GIGYF2: variants seen among roughly 807,000 people sequenced by gnomAD.
The protein encoded by GIGYF2 is GRB10 interacting GYF protein 2.
GIGYF2 carries 25 observed loss-of-function variants against 208.1 expected under a neutral mutation model. That is an observed-to-expected ratio of 0.12 (90% CI 0.09 to 0.17). GIGYF2 has a LOEUF of 0.17. GIGYF2 is among the 10% of genes least tolerant of loss of function. The pLI, the probability that GIGYF2 is intolerant of heterozygous loss-of-function variation, is 1.00. For missense variants in GIGYF2, 1,302 were observed against 1,579.4 expected, an observed-to-expected ratio of 0.82 and a Z score of 2.98; for synonymous variants, 534 against 543.8, an observed-to-expected ratio of 0.98 and a Z score of 0.25.
intron 8 of GIGYF2, chr2:232,782,818 G>A (rs982085897): frequency 6.6e-6 from 1 of 152,184 alleles, no homozygotes; most frequent in Non-Finnish European, 1.5e-5. Context: ...AGCAGGCAAA[G>A]CTAATATTTG....
chr2:232,731,025 G>T (rs1344872784), intron 2 of GIGYF2: 3 of 151,950 alleles, frequency 2.0e-5, no homozygotes, highest in African/African-American at 7.3e-5. Context: ...GCTCTTAATG[G>T]TTGTACATTG....
rs56363484 is a variant in GIGYF2, at chr2:232,846,433, C to T, written c.3460+547C>T. 5.3e-3 allele frequency among the ~76,000 whole-genome samples: 784 copies of T among 148,422 alleles called. 3 individuals are homozygous for T. Among genetic ancestry groups the T allele is most frequent in the Non-Finnish European group, 7.6e-3 (519 of 68,018 alleles). On this transcript the variant is annotated intron_variant, in intron 26 of 28. Transcript: ENST00000373563. ...TAGCTGTTTACAAACAGAACTGTCT[C>T]CCATCCCTGAATATTTGAAGAGAGA...
At chr2:232,754,886 TAAAA>T (rs1168684161) in intron 5 of GIGYF2, among the ~76,000 whole-genome samples, 1 of 142,988 alleles carries the variant, frequency 7.0e-6, no homozygotes, top group South Asian at 2.2e-4. Context: ...ACCTATAAAG[TAAAA>T]AAAAAAAAAT....
chr2:232,856,692 A>G, intron 28 of GIGYF2, 101 bp from the exon 29 acceptor site: 1 of 823,856 alleles, frequency 1.2e-6, no homozygotes, highest in Non-Finnish European at 2.2e-6. Context: ...ACCCTGTCTC[A>G]CAAACAAACA....
intron 2 of GIGYF2, among the ~76,000 whole-genome samples, chr2:232,712,815 A>G (rs563271667): frequency 5.3e-4 from 80 of 152,336 alleles, no homozygotes; most frequent in Non-Finnish European, 2.9e-4. Context: ...ATTTTTTAAA[A>G]AACGATTTAA....
intron 8 of GIGYF2, chr2:232,768,129 TAAAGAA>T: frequency 6.5e-7 from 1 of 1,541,294 alleles, no homozygotes; most frequent in East Asian, 2.2e-5. Flanking sequence ...TGAGATACAG[TAAAGAA>T]AAAGTAGCTG....
chr2:232,825,990 T>C (rs928308796), intron 21 of GIGYF2, among the ~76,000 whole-genome samples: 1 of 152,140 alleles, frequency 6.6e-6, no homozygotes, highest in African/African-American at 2.4e-5. Flanking sequence ...TTGCTTAGAA[T>C]GATGATTTCC....
At position 232,761,439 on chromosome 2, in the gene GIGYF2, A is replaced by G. The variant is rs777553847; in HGVS notation, c.532+3A>G. On this transcript the variant is annotated splice_donor_region_variant and intron_variant, in intron 8 of 28. Coordinates refer to ENST00000373563, the MANE Select transcript of GIGYF2 (RefSeq NM_001103146.3). ...AAAACCAGGACGAAAAGATGTAGGT[A>G]AGGTTCTTACCTACACACATAAGGA... The G allele has an allele frequency of 1.9e-6, 3 of 1,576,180 alleles. No homozygotes were observed. Among genetic ancestry groups the G allele is most frequent in the South Asian group, 2.2e-5 (2 of 90,266 alleles).
chr2:232,728,146 G>A (rs1336069209), intron 2 of GIGYF2, among the ~76,000 whole-genome samples: 1 of 152,086 alleles, frequency 6.6e-6, no homozygotes, highest in African/African-American at 2.4e-5. Flanking sequence ...CTGGGGGAAG[G>A]GTATGTCATA....
chr2:232,756,729 GCTT>G (rs1698558458), intron 6 of GIGYF2, among the ~76,000 whole-genome samples: 1 of 152,212 alleles, frequency 6.6e-6, no homozygotes, highest in Non-Finnish European at 1.5e-5. Flanking sequence ...TGTGCCAAGA[GCTT>G]CTCCAGCCAG....
At chr2:232,797,489 T>TTGTG (rs67221198) in intron 14 of GIGYF2, among the ~76,000 whole-genome samples, 52,468 of 144,774 alleles carry the variant, frequency 0.36, 9,558 homozygotes, top group Admixed American at 0.44. Flanking sequence ...AGAGCAGGGC[T>TTGTG]TGTGTGTGTG....
At chr2:232,728,276 C>T (rs1271791236) in intron 2 of GIGYF2, among the ~76,000 whole-genome samples, 2 of 152,074 alleles carry the variant, frequency 1.3e-5, no homozygotes, top group African/African-American at 4.8e-5. Flanking sequence ...GTCAGATTGA[C>T]GATACATAGT....
intron 3 of GIGYF2, among the ~76,000 whole-genome samples, chr2:232,741,298 A>T (rs973578837): frequency 6.6e-6 from 1 of 152,152 alleles, no homozygotes; most frequent in Non-Finnish European, 1.5e-5. Flanking sequence ...CTGTCACAAC[A>T]TGTCAATTTT....
intron 8 of GIGYF2, among the ~76,000 whole-genome samples, chr2:232,769,197 A>G (rs1444929978): frequency 1.3e-5 from 2 of 152,208 alleles, no homozygotes; most frequent in Admixed American, 6.5e-5. Context: ...GACTAGGTTC[A>G]GAGTAGAATG....
At chr2:232,844,668 A>G (rs920564395) in intron 25 of GIGYF2, 94 bp downstream of exon 25, 2 of 830,478 alleles carry the variant, frequency 2.4e-6, no homozygotes, top group Non-Finnish European at 4.0e-6. Flanking sequence ...AAAGGTAGTT[A>G]TTGAGTTTTT....
intron 1 of GIGYF2, among the ~76,000 whole-genome samples, chr2:232,701,739 G>A (rs943719017): frequency 1.3e-5 from 2 of 151,944 alleles, no homozygotes; most frequent in Non-Finnish European, 2.9e-5. Flanking sequence ...TGCAATTTGA[G>A]AAAGTCACAT....
In GIGYF2 at chr2:232,819,822, C is replaced by A; in HGVS notation, c.2371-5C>A. ...CACCCCCCACCCTCCATCTTTTTTC[C>A]TTAGGAAGAGGCTCTGCGTCGCCAG... On this transcript the variant is annotated splice_polypyrimidine_tract_variant and splice_region_variant and intron_variant, in intron 20 of 28. Coordinates refer to ENST00000373563, the MANE Select transcript of GIGYF2 (RefSeq NM_001103146.3). 1 of 907,128 alleles carries A rather than the reference C, an allele frequency of 1.1e-6. No individual in the cohort carries two copies. Among genetic ancestry groups the A allele is most frequent in the Non-Finnish European group, 1.5e-6 (1 of 651,794 alleles). The allele number at this position is 907,128 out of a possible 1,614,324, so 56.2% of individuals were successfully genotyped here.
chr2:232,841,687 A>G (rs932771231), intron 23 of GIGYF2, among the ~76,000 whole-genome samples: 3 of 152,000 alleles, frequency 2.0e-5, no homozygotes, highest in African/African-American at 7.3e-5. Context: ...GTGCCTCTTA[A>G]TACACATTTC....
intron 8 of GIGYF2, among the ~76,000 whole-genome samples, chr2:232,783,958 G>T (rs1330737679): frequency 1.3e-5 from 2 of 152,162 alleles, no homozygotes; most frequent in Non-Finnish European, 2.9e-5. Context: ...AAAGTGCAGG[G>T]ATTACAGGCG....
Sources: gnomAD v4.1 joint callset for allele counts (sites outside exome capture counted in the v4.1 genomes callset) on GRCh38, gnomAD v4.1.1 for gene constraint, MANE v1.5 for transcripts, NCBI Gene and HGNC (gene_info 2026-07-23, HGNC 2026-07-21) for gene names.